Variants in DRC9 observed in about 807,000 individuals in gnomAD.
DRC9 encodes the protein dynein regulatory complex protein 9.
chr3:197,953,366 C>T, the DRC9 span: 3 of 448,492 alleles, frequency 6.7e-6, no homozygotes, highest in African/African-American at 4.0e-5. Context: ...ACAAGACAAC[C>T]CCGTGGTCTT....
the DRC9 span, among the ~76,000 whole-genome samples, chr3:197,906,846 T>A: frequency 2.0e-5 from 3 of 152,336 alleles, no homozygotes; most frequent in East Asian, 5.8e-4. Flanking sequence ...AGGCCGTGAC[T>A]CTCTGCTGTG....
At chr3:197,933,122 A>T in the DRC9 span, among the ~76,000 whole-genome samples, 23 of 145,710 alleles carry the variant, frequency 1.6e-4, no homozygotes, top group African/African-American at 5.6e-4. Flanking sequence ...TACATATATT[A>T]TACATACGCA....
chr3:197,953,883 A>G, the DRC9 span: 1 of 902,610 alleles, frequency 1.1e-6, no homozygotes, highest in African/African-American at 1.6e-5. Context: ...CTAGGCATTT[A>G]AAGTTTCTCA....
At chr3:197,953,982 T>C in the DRC9 span, 1 of 1,611,852 alleles carries the variant, frequency 6.2e-7, no homozygotes, top group African/African-American at 1.3e-5. Flanking sequence ...GTATTCCTCT[T>C]CTTTCCCTTT....
chr3:197,945,052 A>C, the DRC9 span, among the ~76,000 whole-genome samples: 2 of 152,174 alleles, frequency 1.3e-5, no homozygotes, highest in Non-Finnish European at 2.9e-5. Context: ...GGCCCAAATG[A>C]TTCTCACTTT....
the DRC9 span, among the ~76,000 whole-genome samples, chr3:197,925,155 C>A: frequency 6.6e-6 from 1 of 151,326 alleles, no homozygotes; most frequent in Admixed American, 6.6e-5. Flanking sequence ...AGACAAGGCC[C>A]CCTGTGGGGG....
chr3:197,910,855 C>A, the DRC9 span, among the ~76,000 whole-genome samples: 1 of 151,968 alleles, frequency 6.6e-6, no homozygotes, highest in Non-Finnish European at 1.5e-5. Flanking sequence ...GCCTGTAATC[C>A]CAGCTACTCA....
chr3:197,943,144 T>A, the DRC9 span, among the ~76,000 whole-genome samples: 1 of 152,042 alleles, frequency 6.6e-6, no homozygotes, highest in Non-Finnish European at 1.5e-5. Context: ...GCGTTAAGAG[T>A]GGAGTTGAAT....
the DRC9 span, among the ~76,000 whole-genome samples, chr3:197,944,456 T>A: frequency 2.0e-5 from 3 of 151,082 alleles, no homozygotes; most frequent in Non-Finnish European, 2.9e-5. Context: ...TTATTTTATT[T>A]TATTTTTTTT....
At chr3:197,926,757 T>C in the DRC9 span, among the ~76,000 whole-genome samples, 2 of 152,128 alleles carry the variant, frequency 1.3e-5, no homozygotes, top group African/African-American at 4.8e-5. Flanking sequence ...ATGGTTGACT[T>C]TGGCTCAAGG....
At chr3:197,896,655 C>T in the DRC9 span, among the ~76,000 whole-genome samples, 75 of 152,328 alleles carry the variant, frequency 4.9e-4, no homozygotes, top group African/African-American at 1.7e-3. Context: ...AAGGCACTGG[C>T]AAATCCCGTG....
chr3:197,934,190 T>C, the DRC9 span, among the ~76,000 whole-genome samples: 1 of 143,160 alleles, frequency 7.0e-6, no homozygotes, highest in Non-Finnish European at 1.5e-5. Flanking sequence ...GGTCTTTTTT[T>C]TTTTTTTTTT....
At chr3:197,925,120 A>T in the DRC9 span, among the ~76,000 whole-genome samples, 3 of 151,214 alleles carry the variant, frequency 2.0e-5, no homozygotes, top group Non-Finnish European at 4.4e-5. Context: ...TCCATCTGGG[A>T]TGTGAGAGTA....
chr3:197,919,339 G>A, the DRC9 span, among the ~76,000 whole-genome samples: 37,622 of 152,112 alleles, frequency 0.25, 5,828 homozygotes, highest in African/African-American at 0.45. Flanking sequence ...ACAAGCGAGC[G>A]GAAGTGCTAT....
At chr3:197,889,552 C>T in the DRC9 span, 6 of 1,613,888 alleles carry the variant, frequency 3.7e-6, no homozygotes, top group Non-Finnish European at 5.1e-6. Context: ...CTCCAGAATA[C>T]CAGCAGAAAA....
the DRC9 span, among the ~76,000 whole-genome samples, chr3:197,929,986 G>A: frequency 7.9e-5 from 12 of 151,880 alleles, no homozygotes; most frequent in East Asian, 1.9e-4. This position sits in a 1 kb window ranked among gnomAD's most constrained non-coding sequence, Gnocchi z 4.6. Context: ...AAAGTAACTC[G>A]GAGAGAAGAA....
At chr3:197,920,106 G>A in the DRC9 span, among the ~76,000 whole-genome samples, 1 of 151,952 alleles carries the variant, frequency 6.6e-6, no homozygotes, top group African/African-American at 2.4e-5. Context: ...CTACTTGGGA[G>A]GGTGAGGCAG....
the DRC9 span, among the ~76,000 whole-genome samples, chr3:197,922,713 AAAATAAATAAAT>A: frequency 1.1e-4 from 11 of 100,964 alleles, no homozygotes; most frequent in African/African-American, 3.2e-4. Flanking sequence ...CTCAAAAATA[AAAATAAATAAAT>A]AAATAAATAA....
chr3:197,943,634 G>A, the DRC9 span: 4 of 781,254 alleles, frequency 5.1e-6, no homozygotes, highest in Admixed American at 3.0e-5. Flanking sequence ...GCGAGACCCT[G>A]TCAAAAAAAA....
Sources: gnomAD v4.1 joint callset for allele counts (sites outside exome capture counted in the v4.1 genomes callset) on GRCh38, gnomAD v4.1.1 for gene constraint, Gnocchi (gnomAD v3.1) non-coding constraint, MANE v1.5 for transcripts, NCBI Gene and HGNC (gene_info 2026-07-23, HGNC 2026-07-21) for gene names.